Variants in NEBL observed in about 807,000 individuals in gnomAD.
NEBL encodes the protein LIM and SH3 protein 2.
In NEBL, 122 loss-of-function variants were observed where a neutral mutation model predicts 140.2. The observed-to-expected ratio is 0.87, with a 90% CI of 0.75 to 1.01. The LOEUF (loss-of-function observed/expected upper bound fraction) is 1.01, where lower values mean the gene tolerates loss of function less well. NEBL is among the 50% of genes least tolerant of loss of function. The probability of loss-of-function intolerance (pLI) is 0.00; values close to 1 mark genes in which losing one functional copy is unlikely to be tolerated. For synonymous variants in NEBL, 436 were observed against 398.9 expected, an observed-to-expected ratio of 1.09 and a Z score of -1.11; for missense variants, 1,365 against 1,231.3, an observed-to-expected ratio of 1.11 and a Z score of -1.62.
At position 20,869,811 on chromosome 10, in the gene NEBL, G is replaced by A. The variant is rs1844732788; in HGVS notation, c.511C>T (p.His171Tyr). ...CGGTCAAGTTCTGCACTGTACGTGT[G>A]GGTGTCCTGCACGTCTTTCCTATAA... ...ISYRKDVQDTHTYSAELDRPD... is the reference protein window; with the variant it reads ...ISYRKDVQDTYTYSAELDRPD... Residue 171 changes from histidine to tyrosine, a missense_variant, in exon 6 of 28, where the codon CAC becomes TAC. His to Tyr is a moderately conservative substitution (Grantham distance 83). Coordinates refer to ENST00000377122, the MANE Select transcript of NEBL (RefSeq NM_006393.3). The A allele has an allele frequency of 3.1e-6, 5 of 1,612,406 alleles. No individual in the cohort carries two copies. Among genetic ancestry groups the A allele is most frequent in the Middle Eastern group, 1.6e-4 (1 of 6,076 alleles).
chr10:20,896,482 G>GTATATATATA (rs1491445773), intron 2 of NEBL, among the ~76,000 whole-genome samples: 5 of 20,976 alleles, frequency 2.4e-4, no homozygotes, highest in Non-Finnish European at 4.9e-4. Context: ...AATATTATAT[G>GTATATATATA]CATATATATA....
intron 3 of NEBL, among the ~76,000 whole-genome samples, chr10:21,220,626 A>G (rs1334023677): frequency 6.6e-6 from 1 of 152,244 alleles, no homozygotes; most frequent in Non-Finnish European, 1.5e-5. Flanking sequence ...AGCAGAGGCA[A>G]CAAAAGCAAA....
chr10:21,227,696 TTCTTCTTCTTCTTCTTTCTTCTTC>T (rs1564545980), intron 3 of NEBL, among the ~76,000 whole-genome samples: 31 of 88,550 alleles, frequency 3.5e-4, no homozygotes, highest in African/African-American at 1.8e-3. Context: ...CTTCTTCTTC[TTCTTCTTCTTCTTCTTTCTTCTTC>T]TTCTTCTTCT....
intron 1 of NEBL, among the ~76,000 whole-genome samples, chr10:21,275,968 CT>C (rs35122753): frequency 0.15 from 18,753 of 124,302 alleles, 2,002 homozygotes; most frequent in African/African-American, 0.32. Context: ...CCAGCCCTTT[CT>C]TTTTTTTTTT....
chr10:21,287,451 G>C (rs898539512), intron 1 of NEBL, among the ~76,000 whole-genome samples: 10 of 152,140 alleles, frequency 6.6e-5, no homozygotes, highest in African/African-American at 2.4e-4. Flanking sequence ...CAAAAGAATA[G>C]CCTAAGCCAG....
At chr10:21,266,033 C>A (rs141323475) in intron 1 of NEBL, among the ~76,000 whole-genome samples, 95 of 152,318 alleles carry the variant, frequency 6.2e-4, no homozygotes, top group African/African-American at 2.2e-3. Flanking sequence ...TCTTCAGCAC[C>A]TCTGGCTGCC....
At chr10:21,267,504 C>T (rs945654335) in intron 1 of NEBL, among the ~76,000 whole-genome samples, 2 of 152,206 alleles carry the variant, frequency 1.3e-5, no homozygotes, top group Non-Finnish European at 2.9e-5. Flanking sequence ...AGACATGGAT[C>T]ACAGTCAGGG....
chr10:20,789,909 GTA>G lies in NEBL; in HGVS notation c.2762-2603_2762-2602del, dbSNP rs201892761. ...CACATATATATATGTATAGATATAT[GTA>G]TATATATATGTGTGTGTATATGTGT... On this transcript the variant is annotated intron_variant, in intron 26 of 27. Transcript: ENST00000377122. 6.6e-3 allele frequency among the ~76,000 whole-genome samples: 980 copies of G among 148,240 alleles called. 20 individuals carry two copies. The highest frequency in any genetic ancestry group is 0.048 in the Admixed American group (704 of 14,792).
intron 4 of NEBL, among the ~76,000 whole-genome samples, chr10:20,951,091 C>A (rs1347353978): frequency 6.6e-6 from 1 of 152,046 alleles, no homozygotes; most frequent in Non-Finnish European, 1.5e-5. Context: ...GCAATATAGG[C>A]AAACCTTATC....
At chr10:21,116,475 C>T (rs1337314288) in intron 2 of NEBL, among the ~76,000 whole-genome samples, 1 of 152,114 alleles carries the variant, frequency 6.6e-6, no homozygotes, top group East Asian at 1.9e-4. Flanking sequence ...GTGTCCATCT[C>T]CAATTATCAT....
chr10:20,937,110 C>T (rs1241560920), intron 4 of NEBL, among the ~76,000 whole-genome samples: 2 of 152,176 alleles, frequency 1.3e-5, no homozygotes, highest in African/African-American at 4.8e-5. Flanking sequence ...TCCTGCCCTA[C>T]ATGAGGGCAC....
chr10:21,117,511 C>T (rs543499625), intron 2 of NEBL, among the ~76,000 whole-genome samples: 16 of 152,222 alleles, frequency 1.1e-4, no homozygotes, highest in African/African-American at 2.6e-4. Flanking sequence ...GAATATAATA[C>T]GTTATTCCTG....
intron 24 of NEBL, 91 bp from the exon 25 acceptor site, chr10:20,809,989 A>T: frequency 3.2e-6 from 3 of 925,136 alleles, no homozygotes; most frequent in Non-Finnish European, 5.1e-6. Context: ...AAGAGTCAAG[A>T]CAAAGTCTGC....
At position 21,229,929 on chromosome 10, in the gene NEBL, G is replaced by A. The variant is rs187381004; in HGVS notation, n.348+17992C>T. On this transcript the variant is annotated intron_variant and non_coding_transcript_variant, in intron 3 of 8. Coordinates refer to the NEBL transcript ENST00000675702. ...GCTTTTCCTTTTATATGTAACCCAC[G>A]TTGCCTAGCTCGGTGCCCTGCATGG... Among the ~76,000 whole-genome samples, 8 of 152,300 alleles carry A rather than the reference G, an allele frequency of 5.3e-5. No individual in the cohort carries two copies. In the East Asian group the frequency reaches 1.5e-3, roughly 29 times the overall value.
At chr10:21,027,177 G>A (rs532206514) in intron 2 of NEBL, among the ~76,000 whole-genome samples, 41 of 152,128 alleles carry the variant, frequency 2.7e-4, no homozygotes, top group African/African-American at 9.2e-4. Flanking sequence ...TGATTCTTGT[G>A]AAACCTCCCA....
At chr10:21,252,402 A>T (rs80049794) in intron 1 of NEBL, among the ~76,000 whole-genome samples, 7 of 152,302 alleles carry the variant, frequency 4.6e-5, no homozygotes, top group African/African-American at 7.2e-5. Context: ...ATTGATTGAT[A>T]GATAGATAGA....
chr10:20,888,780 C>T (rs1846767098), intron 3 of NEBL, among the ~76,000 whole-genome samples: 1 of 152,220 alleles, frequency 6.6e-6, no homozygotes, highest in South Asian at 2.1e-4. Flanking sequence ...AGATTGCTCA[C>T]TTCCAATATT....
intron 2 of NEBL, among the ~76,000 whole-genome samples, chr10:21,154,485 A>G (rs1032308595): frequency 6.6e-6 from 1 of 151,582 alleles, no homozygotes. Flanking sequence ...GTGAGCCACA[A>G]TGTAAACAAG....
At chr10:21,158,434 T>C (rs1428894842) in intron 2 of NEBL, among the ~76,000 whole-genome samples, 1 of 152,222 alleles carries the variant, frequency 6.6e-6, no homozygotes, top group African/African-American at 2.4e-5. Flanking sequence ...CAAATACTAT[T>C]ATTATCAGCA....
Sources: allele counts gnomAD v4.1 joint callset (sites outside exome capture counted in the v4.1 genomes callset), GRCh38; gene constraint gnomAD v4.1.1; transcripts MANE v1.5; gene names NCBI Gene and HGNC (gene_info 2026-07-23, HGNC 2026-07-21).